The following NCKAP1L variants were observed in gnomAD, a reference collection of about 807,000 sequenced individuals.
NCKAP1L encodes the protein NCK associated protein 1 like, also known as nck-associated protein 1-like.
NCKAP1L carries 53 observed loss-of-function variants against 139.2 expected under a neutral mutation model. The ratio of observed to expected loss-of-function variants is 0.38; its 90% CI spans 0.31 to 0.48. The LOEUF (loss-of-function observed/expected upper bound fraction) is 0.48, where lower values mean the gene tolerates loss of function less well. Among genes scored for constraint, NCKAP1L ranks in the 20% least tolerant of loss-of-function variants. The pLI, the probability that NCKAP1L is intolerant of heterozygous loss-of-function variation, is 0.98. For synonymous variants in NCKAP1L, 468 were observed against 499.7 expected, an observed-to-expected ratio of 0.94 and a Z score of 0.85; for missense variants, 1,151 against 1,381.9, an observed-to-expected ratio of 0.83 and a Z score of 2.65.
Position 54,519,304 on chromosome 12 carries a change from G to T in NCKAP1L, c.1597G>T (p.Val533Leu). The part of the protein sequence containing the change: ...RMLDSVEKLL[V>L]ETSDLSTFCF... ...GCTGGACTCCGTAGAAAAATTGCTG[G>T]TGGAAACTTCTGATCTGTCTACTTT... Residue 533 changes from valine to leucine, a missense_variant, in exon 16 of 31, where the codon GTG (valine) becomes TTG (leucine). Val to Leu is a conservative substitution (Grantham distance 32). Transcript: ENST00000293373. The T allele has an allele frequency of 6.3e-7, 1 of 1,583,714 alleles. No individual in the cohort carries two copies. Among genetic ancestry groups the T allele is most frequent in the Non-Finnish European group, 8.5e-7 (1 of 1,172,160 alleles).
rs1015601782 is a variant in NCKAP1L, at chr12:54,514,447, A to G, written c.942-1792A>G. On this transcript the variant is annotated intron_variant, in intron 9 of 30. Coordinates refer to ENST00000293373, the MANE Select transcript of NCKAP1L (RefSeq NM_005337.5). ...AGCGCTTCTCCTGTTTCAGCCTCCC[A>G]AGTAGCTGGGATTACAGGCATGTAC... 5.3e-5 allele frequency among the ~76,000 whole-genome samples: 8 copies of G among 151,644 alleles called. No homozygotes were observed. The East Asian group carries it at 9.7e-4, about 18-fold the overall frequency.
Position 54,542,666 on chromosome 12 carries a change from G to A in NCKAP1L, c.3365G>A (p.Arg1122Gln), listed in dbSNP as rs1004790775. The change falls in exon 31 of 31, where the codon CGG becomes CAG. Residue 1122 changes from arginine (R) to glutamine (Q), a missense_variant. Transcript: ENST00000293373. ...LLRNAYREVS[R>Q]AFHLN Reference sequence around the variant, plus strand: ...CGAAATGCCTATCGGGAGGTGTCTCGGGCCTTCCACCTAAACTGAATGCCT... The same window carrying A: ...CGAAATGCCTATCGGGAGGTGTCTCAGGCCTTCCACCTAAACTGAATGCCT... 6 of 1,613,578 alleles carry A rather than the reference G, an allele frequency of 3.7e-6. No individual in the cohort carries two copies. The highest frequency in any genetic ancestry group is 5.1e-6 in the Non-Finnish European group (6 of 1,179,738).
intron 16 of NCKAP1L, among the ~76,000 whole-genome samples, chr12:54,519,929 A>T (rs1306216080): frequency 6.6e-6 from 1 of 151,822 alleles, no homozygotes; most frequent in South Asian, 2.1e-4. Flanking sequence ...GAAACAGGAA[A>T]AACTTTGAGT....
chr12:54,519,070 T>A (rs940621658), intron 15 of NCKAP1L, 98 bp downstream of exon 15: 2 of 1,554,646 alleles, frequency 1.3e-6, no homozygotes, highest in African/African-American at 2.7e-5. Flanking sequence ...ATGGAGTGAG[T>A]CAACTTTGAA....
intron 26 of NCKAP1L, 68 bp from the exon 27 acceptor site, chr12:54,535,036 A>G (rs1197324732): frequency 4.8e-6 from 6 of 1,261,898 alleles, no homozygotes; most frequent in African/African-American, 1.5e-5. Context: ...AGTCCTGGCT[A>G]TGCATTCCTT....
chr12:54,537,031 C>T lies in NCKAP1L; in HGVS notation c.3161C>T (p.Thr1054Ile), dbSNP rs759535534. ...LFTLYNKNIE[T>I]HLKEFLVVAS... ...ACGCTCTACAACAAGAACATTGAAA[C>T]TCACCTCAAGGAATTTCTGGTGGTG... The change falls in exon 29 of 31, where the codon ACT (threonine) becomes ATT (isoleucine). Residue 1054 changes from threonine (T) to isoleucine (I), a missense_variant. Transcript: ENST00000293373. 1 of 1,612,272 alleles carries T rather than the reference C, an allele frequency of 6.2e-7. No homozygotes were observed. The highest frequency in any genetic ancestry group is 8.5e-7 in the Non-Finnish European group (1 of 1,178,496).
intron 1 of NCKAP1L, chr12:54,498,694 C>T (rs779361164): frequency 1.4e-6 from 1 of 717,716 alleles, no homozygotes; most frequent in African/African-American, 1.9e-5. Context: ...AATTGTGACA[C>T]TGAATCTTGT....
intron 26 of NCKAP1L, among the ~76,000 whole-genome samples, chr12:54,534,208 A>G (rs1229151110): frequency 6.6e-6 from 1 of 152,240 alleles, no homozygotes; most frequent in Non-Finnish European, 1.5e-5. Flanking sequence ...GTGTGGTCTA[A>G]TTTAATCTTC....
rs1054323373 is a variant in NCKAP1L, at chr12:54,516,415, G to A, written c.998+120G>A. 8.2e-6 allele frequency: 7 copies of A among 852,600 alleles called. No individual in the cohort carries two copies. In the African/African-American group the frequency reaches 1.2e-4, roughly 15 times the overall value. The allele number at this position is 852,600 out of a possible 1,614,324, so 52.8% of individuals were successfully genotyped here. A position where few individuals can be genotyped will look rare whatever the true frequency, so the allele number is the denominator to read the frequency against. ...CTTTATTGCCTCAACCCAAGAACTT[G>A]CTGCTACCCCATAAATTCTTTTTTC... On this transcript the variant is annotated intron_variant, in intron 10 of 30. Coordinates refer to ENST00000293373, the MANE Select transcript of NCKAP1L (RefSeq NM_005337.5).
intron 28 of NCKAP1L, 55 bp downstream of exon 28, chr12:54,536,300 TAG>T: frequency 1.6e-6 from 2 of 1,242,430 alleles, no homozygotes; most frequent in Non-Finnish European, 2.4e-6. Flanking sequence ...TGTCCTGGGG[TAG>T]AGAGAGGAGA....
Position 54,517,929 on chromosome 12 carries a change from C to T in NCKAP1L, c.1329C>T (p.Asp443=), listed in dbSNP as rs757034148. ...LARFDALVLS[D]IIQNLSVCPE... ...GATTTGATGCTCTTGTGCTCAGTGA[C>T]ATCATTCAGGTATGATATTTAATTG... is the stretch of plus-strand genomic sequence containing the variant. The change falls in exon 13 of 31, where the codon GAC becomes GAT. Residue 443 remains aspartate (D), a synonymous_variant. Coordinates refer to ENST00000293373, the MANE Select transcript of NCKAP1L (RefSeq NM_005337.5). 1.9e-6 allele frequency: 3 copies of T among 1,614,130 alleles called. No individual in the cohort carries two copies. The highest frequency in any genetic ancestry group is 2.2e-5 in the South Asian group (2 of 91,078).
In NCKAP1L at chr12:54,545,852, T is replaced by C. The variant is rs1455583891; in HGVS notation, c.*3167T>C. On this transcript the variant is annotated 3_prime_UTR_variant, in exon 31 of 31. Coordinates refer to ENST00000293373, the MANE Select transcript of NCKAP1L (RefSeq NM_005337.5). The stretch of plus-strand genomic sequence containing the variant: ...CAAGGCCTGGGGCAAGATACTTGCA[T>C]AGGTGCCCCCTTTTGTTTGGACAGT... The C allele has an allele frequency of 3.9e-5, 6 of 152,244 alleles. No homozygotes were observed. 9.4% of individuals were successfully genotyped at this position (152,244 alleles called of 1,614,324 possible). A position where few individuals can be genotyped will look rare whatever the true frequency, so the allele number is the denominator to read the frequency against.
chr12:54,533,591 T>C (rs1180859868), intron 26 of NCKAP1L, among the ~76,000 whole-genome samples: 1 of 152,014 alleles, frequency 6.6e-6, no homozygotes, highest in African/African-American at 2.4e-5. Flanking sequence ...TTTTTTTTCT[T>C]GAGACAGAGT....
intron 14 of NCKAP1L, 21 bp from the exon 15 acceptor site, chr12:54,518,893 A>T (rs879706410): frequency 1.2e-6 from 2 of 1,609,676 alleles, no homozygotes; most frequent in African/African-American, 1.3e-5. Flanking sequence ...GTTTCCTTTT[A>T]TACTTCCGTT....
At chr12:54,529,536 A>AGT (rs1169163152) in intron 22 of NCKAP1L, among the ~76,000 whole-genome samples, 1 of 152,120 alleles carries the variant, frequency 6.6e-6, no homozygotes, top group Non-Finnish European at 1.5e-5. Context: ...GGGTGCTAAG[A>AGT]AAGCCAAAGT....
chr12:54,505,886 T>C (rs954875612), intron 3 of NCKAP1L, among the ~76,000 whole-genome samples: 9 of 152,188 alleles, frequency 5.9e-5, no homozygotes, highest in Non-Finnish European at 1.2e-4. Flanking sequence ...GGTCTCGAAC[T>C]CCCGACCTCA....
chr12:54,511,781 A>G, intron 7 of NCKAP1L, 22 bp from the exon 8 acceptor site: 2 of 1,611,244 alleles, frequency 1.2e-6, no homozygotes, highest in African/African-American at 1.3e-5. Context: ...ATAACTGATC[A>G]TCTTTGCTTC....
At position 54,535,987 on chromosome 12, in the gene NCKAP1L, C is replaced by T. The variant is rs1592353031; in HGVS notation, c.2957-142C>T. On this transcript the variant is annotated intron_variant, in intron 27 of 30. Coordinates refer to ENST00000293373, the MANE Select transcript of NCKAP1L (RefSeq NM_005337.5). ...TCAGGAAAATTAAGTAATAACTTGCCCATAGGCTTTATAAAGTGTTTTCAT... is the reference window on the plus strand; with the variant it reads ...TCAGGAAAATTAAGTAATAACTTGCTCATAGGCTTTATAAAGTGTTTTCAT... 4.2e-5 allele frequency: 26 copies of T among 626,360 alleles called. No homozygotes were observed. In the South Asian group the frequency reaches 4.6e-4, roughly 11 times the overall value. 38.8% of individuals were successfully genotyped at this position (626,360 alleles called of 1,614,324 possible).
rs1592343227 is a variant in NCKAP1L, at chr12:54,516,983, G to A, written c.1086G>A (p.Leu362=). The change falls in exon 11 of 31, where the codon CTG becomes CTA. Residue 362 remains leucine (L), a synonymous_variant. Transcript: ENST00000293373. ...ETVLADEPGL[L]GPKALFAFMA... ...TGTTGGCTGATGAACCGGGACTACTGGGTCCTAAGGCAAGAGGAAGAAATG... is the reference window on the plus strand; with the variant it reads ...TGTTGGCTGATGAACCGGGACTACTAGGTCCTAAGGCAAGAGGAAGAAATG... 6.2e-7 allele frequency: 1 copy of A among 1,611,572 alleles called. No homozygotes were observed. Among genetic ancestry groups the A allele is most frequent in the East Asian group, 2.2e-5 (1 of 44,706 alleles).
Sources: gnomAD v4.1 joint callset for allele counts (sites outside exome capture counted in the v4.1 genomes callset) on GRCh38, gnomAD v4.1.1 for gene constraint, MANE v1.5 for transcripts, NCBI Gene and HGNC (gene_info 2026-07-23, HGNC 2026-07-21) for gene names.